The following OSBPL7 variants were observed in gnomAD, a reference collection of about 807,000 sequenced individuals.
The protein encoded by OSBPL7 is oxysterol binding protein like 7, also known as oxysterol-binding protein-related protein 7.
In OSBPL7, 66 loss-of-function variants were observed where a neutral mutation model predicts 115.8. That is an observed-to-expected ratio of 0.57 (90% CI 0.47 to 0.70). The LOEUF (loss-of-function observed/expected upper bound fraction) is 0.70. Among genes scored for constraint, OSBPL7 ranks in the 30% least tolerant of loss-of-function variants. The pLI is 0.00. For synonymous variants in OSBPL7, 441 were observed against 439.2 expected (o/e 1.00, Z -0.05); for missense variants, 902 against 1,125.5 (o/e 0.80, Z 2.84).
rs558536818 is a variant in OSBPL7 at position 47,816,984 on chromosome 17, T to C, written c.703-112A>G. On this transcript the variant is annotated intron_variant, in intron 8 of 22. Transcript: ENST00000007414. The surrounding 1 kb of genome is among the most constrained non-coding windows in gnomAD (Gnocchi z 5.8). ...CCTGCGCCATGGAGGAGGGCGCAGATTACCCAGCACAGAGGATGCGGCCGC... is the reference window on the plus strand; with the variant it reads ...CCTGCGCCATGGAGGAGGGCGCAGACTACCCAGCACAGAGGATGCGGCCGC... 32 of 1,064,768 alleles carry C rather than the reference T, an allele frequency of 3.0e-5. No individual in the cohort carries two copies. In the African/African-American group the frequency reaches 4.0e-4, roughly 13 times the overall value. The allele number at this position is 1,064,768 out of a possible 1,614,324, so 66.0% of individuals were successfully genotyped here.
chr17:47,818,985 C>T lies in OSBPL7; in HGVS notation c.369+1G>A, dbSNP rs1299307912. The T allele has an allele frequency of 3.1e-6, 5 of 1,613,524 alleles. No homozygotes were observed. The highest frequency in any genetic ancestry group is 8.5e-7 in the Non-Finnish European group (1 of 1,179,560). ...CACGTCCTGCCTCCCAGGGATGTCACCTTGAGGTGGTAGATGTTGTCTTCA... is the reference window on the plus strand; with the variant it reads ...CACGTCCTGCCTCCCAGGGATGTCATCTTGAGGTGGTAGATGTTGTCTTCA... On this transcript the variant is annotated splice_donor_variant, in intron 5 of 22. Transcript: ENST00000007414. LOFTEE classifies it high-confidence loss of function.
At position 47,820,227 on chromosome 17, in the gene OSBPL7, A is replaced by T; in HGVS notation, c.52T>A (p.Ser18Thr). ...PPFLPESAQS[S>T]KPSSAQQASE... is the part of the protein sequence containing the mutation. ...ACCTGCTGAGCACTGCTGGGCTTTGAGGACTGAGCGCTCTCAGGCAGGAAG... is the reference window on the plus strand; with the variant it reads ...ACCTGCTGAGCACTGCTGGGCTTTGTGGACTGAGCGCTCTCAGGCAGGAAG... Residue 18 changes from serine to threonine, a missense_variant, in exon 2 of 23, where the codon TCA (serine) becomes ACA (threonine). This residue lies in a region of OSBPL7 where 667 missense variants were observed against 788.7 expected (regional missense o/e 0.85). Transcript: ENST00000007414. The T allele has an allele frequency of 1.9e-6, 3 of 1,613,936 alleles. No individual in the cohort carries two copies. The highest frequency in any genetic ancestry group is 2.5e-6 in the Non-Finnish European group (3 of 1,179,960).
chr17:47,814,567 C>T lies in OSBPL7; in HGVS notation c.1305G>A (p.Leu435=), dbSNP rs2033153211. 2.5e-6 allele frequency: 4 copies of T among 1,607,458 alleles called. No homozygotes were observed. The highest frequency in any genetic ancestry group is 2.6e-6 in the Non-Finnish European group (3 of 1,175,992). The change falls in exon 14 of 23, where the codon CTG becomes CTA. Residue 435 remains leucine, a synonymous_variant. Transcript: ENST00000007414. ...CCCTGAGGTCCAGCATCTCCTCAGA[C>T]AGGCTGGTGGTGATTTCACTGGTAC... ...ESCTSEITTS[L]SEEMLDLRGA... is the part of the protein sequence containing the mutation.
Position 47,818,326 on chromosome 17 carries a change from G to A in OSBPL7, c.541C>T (p.Arg181Trp), listed in dbSNP as rs35767160. ...CTCAGCCAGGAAGACACTTTCTCCC[G>A]CGGTCCAAGCCCAGGTAGGGCTGAG... ...TASALPGLGP[R>W]EKVSSWLRDS... Residue 181 changes from arginine (R) to tryptophan (W), a missense_variant, in exon 7 of 23, where the codon CGG becomes TGG. By Grantham distance (101) the Arg-to-Trp change is moderately radical. Coordinates refer to ENST00000007414, the MANE Select transcript of OSBPL7 (RefSeq NM_145798.3). The A allele has an allele frequency of 4.7e-3, 7,656 of 1,614,120 alleles. 20 individuals are homozygous for A. Among genetic ancestry groups the A allele is most frequent in the Middle Eastern group, 6.8e-3 (41 of 6,054 alleles).
rs1469410475 is a variant in OSBPL7, at chr17:47,808,369, C to A, written c.2451G>T (p.Trp817Cys). The change falls in exon 23 of 23, where the codon TGG (tryptophan) becomes TGT (cysteine). Residue 817 changes from tryptophan (W) to cysteine (C), a missense_variant. By Grantham distance (215) the Trp-to-Cys change is radical. Coordinates refer to ENST00000007414, the MANE Select transcript of OSBPL7 (RefSeq NM_145798.3). This position sits in a 1 kb window ranked among gnomAD's most constrained non-coding sequence, Gnocchi z 6.1. ...RRQTDSSGKE[W>C]WVTNNTYWRL... ...TCCAGTAGGTATTGTTGGTCACCCACCACTCTTTCCCGCTGCTATCCGTCT... is the reference window on the plus strand; with the variant it reads ...TCCAGTAGGTATTGTTGGTCACCCAACACTCTTTCCCGCTGCTATCCGTCT... 1 of 1,613,946 alleles carries A rather than the reference C, an allele frequency of 6.2e-7. No homozygotes were observed. The highest frequency in any genetic ancestry group is 1.1e-5 in the South Asian group (1 of 91,060).
chr17:47,818,745 A>C, intron 5 of OSBPL7, 129 bp from the exon 6 acceptor site: 1 of 880,762 alleles, frequency 1.1e-6, no homozygotes, highest in Non-Finnish European at 1.7e-6. Flanking sequence ...TGCAAGGCTC[A>C]CTTGCAGGGA....
chr17:47,814,870 G>A (rs2033164928), intron 13 of OSBPL7: 2 of 571,216 alleles, frequency 3.5e-6, no homozygotes, highest in Non-Finnish European at 6.2e-6. Context: ...GGACACAGAG[G>A]GAAGGGAAGT....
chr17:47,819,174 G>C, intron 4 of OSBPL7, 75 bp from the exon 5 acceptor site: 1 of 1,276,108 alleles, frequency 7.8e-7, no homozygotes, highest in Non-Finnish European at 1.1e-6. Context: ...CCATCTCCCT[G>C]ATGCCATTCT....
intron 4 of OSBPL7, 114 bp downstream of exon 4, chr17:47,819,615 G>T: frequency 8.0e-7 from 1 of 1,256,586 alleles, no homozygotes; most frequent in Non-Finnish European, 1.1e-6. Context: ...CATTCAGCAA[G>T]TGGTGGACCT....
rs778087778 is a variant in OSBPL7, at chr17:47,816,625, C to G, written c.866G>C (p.Arg289Pro). Residue 289 changes from arginine to proline, a missense_variant, in exon 10 of 23, where the codon CGT becomes CCT. Coordinates refer to ENST00000007414, the MANE Select transcript of OSBPL7 (RefSeq NM_145798.3). This position sits in a 1 kb window ranked among gnomAD's most constrained non-coding sequence, Gnocchi z 5.8. ...GGCATAGTCTGTGGGTGGCAGCCCA[C>G]GGGTGCCCGAGGAGTCCCGAGACTC... is the stretch of plus-strand genomic sequence containing the variant. ...YLESRDSSGT[R>P]GLPPTDYAHL... The G allele has an allele frequency of 2.5e-6, 4 of 1,613,882 alleles. No individual in the cohort carries two copies. Among genetic ancestry groups the G allele is most frequent in the Non-Finnish European group, 3.4e-6 (4 of 1,179,984 alleles).
At chr17:47,818,775 A>T (rs1285635759) in intron 5 of OSBPL7, among the ~76,000 whole-genome samples, 159 bp from the exon 6 acceptor site, 1 of 152,288 alleles carries the variant, frequency 6.6e-6, no homozygotes, top group African/African-American at 2.4e-5. Flanking sequence ...CAAGGCGCCC[A>T]GGTGTCTGAG....
In OSBPL7 at chr17:47,808,343, C is replaced by T. The variant is rs774434828; in HGVS notation, c.2477G>A (p.Arg826Lys). The T allele has an allele frequency of 3.1e-6, 5 of 1,614,108 alleles. No homozygotes were observed. The highest frequency in any genetic ancestry group is 4.2e-6 in the Non-Finnish European group (5 of 1,179,990). ...EWWVTNNTYWRLRAEPGYGNM... is the reference protein window; with the variant it reads ...EWWVTNNTYWKLRAEPGYGNM... ...CCCATAGCCTGGCTCGGCCCGCAGC[C>T]TCCAGTAGGTATTGTTGGTCACCCA... The change falls in exon 23 of 23, where the codon AGG (arginine) becomes AAG (lysine). Residue 826 changes from arginine to lysine, a missense_variant. Arg to Lys is a conservative substitution (Grantham distance 26). This residue lies in a region of OSBPL7 where 230 missense variants were observed against 312.7 expected (regional missense o/e 0.74). Transcript: ENST00000007414. This position sits in a 1 kb window ranked among gnomAD's most constrained non-coding sequence, Gnocchi z 6.1.
chr17:47,814,370 C>A (rs2033144282), intron 14 of OSBPL7, 151 bp downstream of exon 14: 4 of 700,720 alleles, frequency 5.7e-6, no homozygotes, highest in Non-Finnish European at 9.5e-6. Flanking sequence ...CAGTTCATGA[C>A]CTGGCCTTCC....
chr17:47,816,941 G>T lies in OSBPL7; in HGVS notation c.703-69C>A, dbSNP rs2033239861. On this transcript the variant is annotated intron_variant, in intron 8 of 22. Transcript: ENST00000007414. The surrounding 1 kb of genome is among the most constrained non-coding windows in gnomAD (Gnocchi z 5.8). ...AAAGGGGCAGAAACCATCACAGCCTGGGAGAGGTAGACGGCCTCCTGCGCC... is the reference window on the plus strand; with the variant it reads ...AAAGGGGCAGAAACCATCACAGCCTTGGAGAGGTAGACGGCCTCCTGCGCC... 6.8e-7 allele frequency: 1 copy of T among 1,474,770 alleles called. No individual in the cohort carries two copies. 91.4% of individuals were successfully genotyped at this position (1,474,770 alleles called of 1,614,324 possible). A position where few individuals can be genotyped will look rare whatever the true frequency, so the allele number is the denominator to read the frequency against.
At position 47,809,405 on chromosome 17, in the gene OSBPL7, C is replaced by T. The variant is rs2032965177; in HGVS notation, c.1954G>A (p.Glu652Lys). ...HNVLSGQRWI[E>K]HYGEVLIRNT... is the part of the protein sequence containing the mutation. ...CGGATGAGCACCTCCCCATAGTGCT[C>T]GATCCAGCGCTGACCACTCAGGACA... is the stretch of plus-strand genomic sequence containing the variant. Residue 652 changes from glutamate to lysine, a missense_variant, in exon 19 of 23, where the codon GAG becomes AAG. Physicochemically the swap from Glu to Lys is moderately conservative, Grantham distance 56. This residue lies in a region of OSBPL7 where 230 missense variants were observed against 312.7 expected (regional missense o/e 0.74). Transcript: ENST00000007414. 1.4e-5 allele frequency: 22 copies of T among 1,614,038 alleles called. No homozygotes were observed. Among genetic ancestry groups the T allele is most frequent in the Non-Finnish European group, 1.8e-5 (21 of 1,180,028 alleles).
chr17:47,815,944 G>T, intron 12 of OSBPL7, 163 bp downstream of exon 12: 1 of 589,162 alleles, frequency 1.7e-6, no homozygotes. Flanking sequence ...CACAATGATC[G>T]AGATGGGGCT....
Position 47,809,170 on chromosome 17 carries a change from A to G in OSBPL7, c.2076T>C (p.Ser692=). Residue 692 remains serine, a synonymous_variant, in exon 20 of 23, where the codon AGT becomes AGC. Coordinates refer to ENST00000007414, the MANE Select transcript of OSBPL7 (RefSeq NM_145798.3). The part of the protein sequence containing the change: ...NVHEVQGAVL[S]RSGRVLHRLF... ...GTCGGTGGAGGACACGGCCACTCCG[A>G]CTGAGCACAGCGCCCTGCACCTCGT... 6.2e-7 allele frequency: 1 copy of G among 1,614,128 alleles called. No individual in the cohort carries two copies. The highest frequency in any genetic ancestry group is 8.5e-7 in the Non-Finnish European group (1 of 1,180,022).
At position 47,821,713 on chromosome 17, in the gene OSBPL7, CCT is replaced by C; in HGVS notation, c.-137_-136del. On this transcript the variant is annotated 5_prime_UTR_variant, in exon 1 of 23. Transcript: ENST00000007414. ...ACTCCTTGGCCCTTGCGCCGCTCTG[CCT>C]CTGAGTCACCGTCTCCGAGTCACCG... 6.6e-6 allele frequency: 1 copy of C among 152,492 alleles called. No homozygotes were observed. The allele number at this position is 152,492 out of a possible 1,614,324, so 9.4% of individuals were successfully genotyped here. A position where few individuals can be genotyped will look rare whatever the true frequency, so the allele number is the denominator to read the frequency against.
Position 47,817,243 on chromosome 17 carries a change from C to A in OSBPL7, c.702+13G>T, listed in dbSNP as rs753911158. 6.3e-7 allele frequency: 1 copy of A among 1,579,514 alleles called. No homozygotes were observed. The highest frequency in any genetic ancestry group is 2.0e-5 in the Admixed American group (1 of 49,450). On this transcript the variant is annotated intron_variant, in intron 8 of 22. Coordinates refer to ENST00000007414, the MANE Select transcript of OSBPL7 (RefSeq NM_145798.3). ...GGCCTGAGCAGGACCCTGTGTGTAC[C>A]CCTGGATCTTACCTGGTGTGTGGGG...
Sources: allele counts gnomAD v4.1 joint callset (sites outside exome capture counted in the v4.1 genomes callset), GRCh38; gene constraint gnomAD v4.1.1; regional missense constraint gnomAD v4.1.1; non-coding constraint Gnocchi (gnomAD v3.1); transcripts MANE v1.5; gene names NCBI Gene and HGNC (gene_info 2026-07-23, HGNC 2026-07-21).